USP47: variants seen among roughly 807,000 people sequenced by gnomAD.
The protein encoded by USP47 is ubiquitin carboxyl-terminal hydrolase 47.
USP47 carries 35 observed loss-of-function variants against 165.1 expected under a neutral mutation model. The ratio of observed to expected loss-of-function variants is 0.21; its 90% CI spans 0.16 to 0.28. USP47 has a LOEUF of 0.28. Among genes scored for constraint, USP47 ranks in the 10% least tolerant of loss-of-function variants. The probability of loss-of-function intolerance (pLI) is 1.00; values close to 1 mark genes in which losing one functional copy is unlikely to be tolerated. For missense variants in USP47, 1,277 were observed against 1,607.4 expected, an observed-to-expected ratio of 0.79 and a Z score of 3.52; for synonymous variants, 531 against 544.5, an observed-to-expected ratio of 0.98 and a Z score of 0.35.
chr11:11,945,682 G>C (rs568920410), intron 20 of USP47, among the ~76,000 whole-genome samples: 1 of 151,528 alleles, frequency 6.6e-6, no homozygotes, highest in Non-Finnish European at 1.5e-5. Context: ...CACACCTGTA[G>C]TCCCTGCACT....
chr11:11,946,770 C>T (rs1395868663), intron 20 of USP47, among the ~76,000 whole-genome samples: 1 of 152,154 alleles, frequency 6.6e-6, no homozygotes, highest in East Asian at 1.9e-4. Context: ...AAGAGAAATG[C>T]TGCCTCAAAA....
rs1407035151 is a variant in USP47, at chr11:11,942,679, A to G, written c.2658A>G (p.Glu886=). The G allele has an allele frequency of 6.2e-7, 1 of 1,613,610 alleles. No homozygotes were observed. The highest frequency in any genetic ancestry group is 8.5e-7 in the Non-Finnish European group (1 of 1,179,766). Reference sequence around the variant, plus strand: ...AAAGTACTGAGACAAGTGACTTTGAAAACATCGAATCACCTCTCAATGAGA... The same window carrying G: ...AAAGTACTGAGACAAGTGACTTTGAGAACATCGAATCACCTCTCAATGAGA... The part of the protein sequence containing the change: ...SSKSTETSDF[E]NIESPLNERD... The change falls in exon 20 of 28, where the codon GAA becomes GAG. Residue 886 remains glutamate, a synonymous_variant. Coordinates refer to ENST00000527733, the MANE Select transcript of USP47 (RefSeq NM_001282659.2).
At chr11:11,883,106 C>G (rs1011254672) in intron 2 of USP47, among the ~76,000 whole-genome samples, 3 of 152,126 alleles carry the variant, frequency 2.0e-5, no homozygotes, top group African/African-American at 4.8e-5. Context: ...GGTAAAACCC[C>G]TGTGTATTTC....
At chr11:11,953,422 A>G (rs767673653) in intron 25 of USP47, among the ~76,000 whole-genome samples, 6 of 152,158 alleles carry the variant, frequency 3.9e-5, no homozygotes, top group African/African-American at 7.2e-5. Flanking sequence ...AAGTAAATGT[A>G]CTAGGTGAAA....
chr11:11,877,119 A>G (rs1259786744), intron 1 of USP47, among the ~76,000 whole-genome samples: 3 of 151,142 alleles, frequency 2.0e-5, no homozygotes, highest in South Asian at 4.2e-4. Context: ...TTTATATTGT[A>G]TAGGTTTTTT....
In USP47 at chr11:11,857,433, C is replaced by T. The variant is rs188211578; in HGVS notation, c.39+15209C>T. Among the ~76,000 whole-genome samples the T allele has an allele frequency of 3.4e-3, 514 of 152,148 alleles. 2 individuals carry two copies. The highest frequency in any genetic ancestry group is 5.8e-3 in the Non-Finnish European group (396 of 68,002). ...AAATATTGCTTTGACATTTTAAATTCGTATGTCTTGAAATATTTATTTACC... is the reference window on the plus strand; with the variant it reads ...AAATATTGCTTTGACATTTTAAATTTGTATGTCTTGAAATATTTATTTACC... On this transcript the variant is annotated intron_variant, in intron 1 of 27. Coordinates refer to ENST00000527733, the MANE Select transcript of USP47 (RefSeq NM_001282659.2).
At chr11:11,912,671 A>G (rs1853087918) in intron 8 of USP47, among the ~76,000 whole-genome samples, 1 of 152,100 alleles carries the variant, frequency 6.6e-6, no homozygotes, top group African/African-American at 2.4e-5. Flanking sequence ...GAGGAAACCC[A>G]TAGTCCTGTG....
rs758575675 is a variant in USP47 at position 11,948,121 on chromosome 11, GTTGA to G, written c.3267+4_3267+7del. On this transcript the variant is annotated splice_donor_variant and splice_donor_5th_base_variant and intron_variant, in intron 21 of 27. Coordinates refer to ENST00000527733, the MANE Select transcript of USP47 (RefSeq NM_001282659.2). LOFTEE classifies it high-confidence loss of function. ...TTCATCATTTTCTGATGACAATAAG[GTTGA>G]TTAAAATAATCTTCGAGTAGTTAGA... 1 of 1,601,746 alleles carries G rather than the reference GTTGA, an allele frequency of 6.2e-7. No individual in the cohort carries two copies. The highest frequency in any genetic ancestry group is 1.1e-5 in the South Asian group (1 of 88,292).
chr11:11,933,027 C>G lies in USP47; in HGVS notation c.1675C>G (p.Pro559Ala). 6.2e-7 allele frequency: 1 copy of G among 1,612,730 alleles called. No individual in the cohort carries two copies. The highest frequency in any genetic ancestry group is 8.5e-7 in the Non-Finnish European group (1 of 1,179,340). ...NAKFLEVDEY[P>A]EHIKNLVQKE... Reference sequence around the variant, plus strand: ...AGAATTTCTAGAAGTGGATGAATACCCAGAACATATTAAAAACTTGGTGCA... The same window carrying G: ...AGAATTTCTAGAAGTGGATGAATACGCAGAACATATTAAAAACTTGGTGCA... Residue 559 changes from proline (P) to alanine (A), a missense_variant, in exon 15 of 28, where the codon CCA (proline) becomes GCA (alanine). Around this residue, in one of 4 missense-constraint regions of USP47, gnomAD observed 909 missense variants for 1,068.1 expected, o/e 0.85. Coordinates refer to ENST00000527733, the MANE Select transcript of USP47 (RefSeq NM_001282659.2).
intron 1 of USP47, among the ~76,000 whole-genome samples, chr11:11,871,396 G>A (rs988170246): frequency 6.6e-6 from 1 of 150,738 alleles, no homozygotes; most frequent in Non-Finnish European, 1.5e-5. Context: ...CCAGCTACTC[G>A]GGAGGCTGAG....
At chr11:11,904,658 A>G (rs1447088726) in intron 7 of USP47, among the ~76,000 whole-genome samples, 1 of 152,122 alleles carries the variant, frequency 6.6e-6, no homozygotes, top group East Asian at 1.9e-4. Flanking sequence ...TTTTGGTACA[A>G]AACTCTTTGG....
intron 3 of USP47, 101 bp from the exon 4 acceptor site, chr11:11,891,867 T>TGA (rs1851537350): frequency 1.4e-6 from 2 of 1,426,194 alleles, no homozygotes; most frequent in Non-Finnish European, 1.9e-6. Context: ...CCAGAGTGTT[T>TGA]TGTATCAGGC....
Position 11,954,919 on chromosome 11 carries a change from C to G in USP47, c.3737C>G (p.Pro1246Arg). Residue 1246 changes from proline (P) to arginine (R), a missense_variant, in exon 26 of 28, where the codon CCT becomes CGT. Pro to Arg is a moderately radical substitution (Grantham distance 103, BLOSUM62 -2). Coordinates refer to ENST00000527733, the MANE Select transcript of USP47 (RefSeq NM_001282659.2). ...CAGCTTAGTGAAATCAGTGGGATTC[C>G]TTTGGATGATATTGAATTTGCTAAG... Reference protein sequence around the residue: ...REKLSEISGIPLDDIEFAKGR... With the variant: ...REKLSEISGIRLDDIEFAKGR... 6.2e-7 allele frequency: 1 copy of G among 1,613,672 alleles called. No homozygotes were observed. The highest frequency in any genetic ancestry group is 8.5e-7 in the Non-Finnish European group (1 of 1,179,900).
Position 11,942,678 on chromosome 11 carries a change from A to G in USP47, c.2657A>G (p.Glu886Gly), listed in dbSNP as rs754865328. 1.7e-5 allele frequency: 27 copies of G among 1,613,502 alleles called. 1 individual carries two copies. Among genetic ancestry groups the G allele is most frequent in the Middle Eastern group, 3.3e-4 (2 of 6,082 alleles). ...SSKSTETSDF[E>G]NIESPLNERD... is the part of the protein sequence containing the mutation. The stretch of plus-strand genomic sequence containing the variant: ...AAAAGTACTGAGACAAGTGACTTTG[A>G]AAACATCGAATCACCTCTCAATGAG... The change falls in exon 20 of 28, where the codon GAA becomes GGA. Residue 886 changes from glutamate to glycine, a missense_variant. Physicochemically the swap from Glu to Gly is moderately conservative, Grantham distance 98 (BLOSUM62 -2). Around this residue, in one of 4 missense-constraint regions of USP47, gnomAD observed 909 missense variants for 1,068.1 expected, o/e 0.85. Coordinates refer to ENST00000527733, the MANE Select transcript of USP47 (RefSeq NM_001282659.2).
At chr11:11,916,091 A>G (rs1853396733) in intron 8 of USP47, among the ~76,000 whole-genome samples, 1 of 152,206 alleles carries the variant, frequency 6.6e-6, no homozygotes, top group Non-Finnish European at 1.5e-5. Context: ...ATTGTTTTTG[A>G]TTGGAGAACT....
intron 11 of USP47, among the ~76,000 whole-genome samples, chr11:11,925,634 GTT>G (rs34781797): frequency 2.0e-5 from 3 of 146,378 alleles, no homozygotes; most frequent in Non-Finnish European, 3.0e-5. Context: ...ACTTGTTAGG[GTT>G]TTTTTTTTTA....
rs770012789 is a variant in USP47 at position 11,903,330 on chromosome 11, G to A, written c.807G>A (p.Lys269=). The change falls in exon 7 of 28, where the codon AAG becomes AAA. Residue 269 remains lysine, a synonymous_variant. Transcript: ENST00000527733. The stretch of plus-strand genomic sequence containing the variant: ...TTGATGCTTTGGAACAGAAATGGAA[G>A]CAAACAGAACAGGTAATTTATATCT... The part of the protein sequence containing the change: ...VMFDALEQKW[K]QTEQADLINE... The A allele has an allele frequency of 1.9e-6, 3 of 1,611,998 alleles. No homozygotes were observed. The South Asian group carries it at 3.3e-5, about 18-fold the overall frequency.
At chr11:11,904,200 G>T (rs1003179506) in intron 7 of USP47, among the ~76,000 whole-genome samples, 2 of 152,136 alleles carry the variant, frequency 1.3e-5, no homozygotes, top group African/African-American at 4.8e-5. Context: ...ATGGTGATTT[G>T]CTATTCAGTA....
intron 25 of USP47, among the ~76,000 whole-genome samples, chr11:11,953,073 G>A (rs1003564832): frequency 6.6e-6 from 1 of 152,136 alleles, no homozygotes; most frequent in Non-Finnish European, 1.5e-5. Context: ...TCAGGCTCCT[G>A]ATTCTTTGAA....
Sources: allele counts gnomAD v4.1 joint callset (sites outside exome capture counted in the v4.1 genomes callset), GRCh38; gene constraint gnomAD v4.1.1; regional missense constraint gnomAD v4.1.1; transcripts MANE v1.5; gene names NCBI Gene and HGNC (gene_info 2026-07-23, HGNC 2026-07-21).